The following BEND2 variants were observed in gnomAD, a reference collection of about 807,000 sequenced individuals.
BEND2 encodes BEN domain-containing protein 2.
In BEND2, 19 loss-of-function variants were observed where a neutral mutation model predicts 43.8. The observed-to-expected ratio is 0.43, with a 90% CI of 0.30 to 0.64. The LOEUF (loss-of-function observed/expected upper bound fraction) is 0.64. Ranked by LOEUF, BEND2 falls within the 30% of genes least tolerant of loss-of-function variation. BEND2 has a pLI of 0.11. For synonymous variants in BEND2, 226 were observed against 210.1 expected, an observed-to-expected ratio of 1.08 and a Z score of -0.66; for missense variants, 544 against 574.0, an observed-to-expected ratio of 0.95 and a Z score of 0.53.
chrX:18,191,738 A>G (rs761004363), intron 7 of BEND2, among the ~76,000 whole-genome samples: 1 of 112,101 alleles, frequency 8.9e-6, no homozygotes, highest in Non-Finnish European at 1.9e-5. Context: ...TAGAGGATAC[A>G]TGAACCTAAA....
Position 18,168,097 on chromosome X carries a change from A to G in BEND2, c.2186-2874T>C, listed in dbSNP as rs147493098. ...GGTTGGGTAGAACATTTCCTCCCCA[A>G]CCCTCATGTTACCATGTGGAGAGAC... On this transcript the variant is annotated intron_variant, in intron 13 of 13. Transcript: ENST00000380033. Among the ~76,000 whole-genome samples, 351 of 112,169 alleles carry G rather than the reference A, an allele frequency of 3.1e-3. 4 individuals carry two copies. Among genetic ancestry groups the G allele is most frequent in the Non-Finnish European group, 4.1e-3 (220 of 53,197 alleles).
At chrX:18,217,254 A>T (rs997437396) in intron 1 of BEND2, among the ~76,000 whole-genome samples, 1 of 112,984 alleles carries the variant, frequency 8.9e-6, no homozygotes, top group African/African-American at 3.2e-5. Context: ...AATATACCAG[A>T]TGTGAAATAT....
intron 13 of BEND2, among the ~76,000 whole-genome samples, chrX:18,169,950 A>G (rs1055400245): frequency 2.7e-5 from 3 of 111,599 alleles, no homozygotes; most frequent in Non-Finnish European, 3.8e-5. Flanking sequence ...AAAGTCACCT[A>G]TTTTCCCCCA....
In BEND2 at chrX:18,220,866, A is replaced by G; in HGVS notation, c.-116T>C. 1.2e-6 allele frequency: 1 copy of G among 857,709 alleles called. No homozygotes were observed. 70.7% of individuals were successfully genotyped at this position (857,709 alleles called of 1,213,427 possible). On this transcript the variant is annotated 5_prime_UTR_variant, in exon 1 of 14. Coordinates refer to ENST00000380033, the MANE Select transcript of BEND2 (RefSeq NM_153346.5). ...TGGTAACTGTGTGGTAACTGCGTAC[A>G]CTCGTTGTCCGAGGCACAATGAGGC...
intron 1 of BEND2, among the ~76,000 whole-genome samples, chrX:18,218,718 G>A (rs988503938): frequency 9.0e-6 from 1 of 111,527 alleles, no homozygotes; most frequent in Non-Finnish European, 1.9e-5. Flanking sequence ...AAATCAGCGG[G>A]GCGAGGTGGC....
chrX:18,175,983 T>C lies in BEND2; in HGVS notation c.1741A>G (p.Lys581Glu), dbSNP rs1372392971. Residue 581 changes from lysine (K) to glutamate (E), a missense_variant, in exon 11 of 14, where the codon AAG (lysine) becomes GAG (glutamate). Lys to Glu is a moderately conservative substitution (Grantham distance 56). Around this residue, in one of 2 missense-constraint regions of BEND2, gnomAD observed 501 missense variants for 501.6 expected, o/e 1.00. Transcript: ENST00000380033. ...GAAAAATAACTTACTGGAGTACTCT[T>C]GCCTTCAGAACATAAACAGTAGATC... ...SMIYCLCSEG[K>E]STPKTVRKNK... 1 of 1,190,144 alleles carries C rather than the reference T, an allele frequency of 8.4e-7. No individual in the cohort carries two copies. The highest frequency in any genetic ancestry group is 1.9e-5 in the South Asian group (1 of 52,757).
chrX:18,182,793 C>T (rs1924430863), intron 8 of BEND2, among the ~76,000 whole-genome samples: 1 of 111,214 alleles, frequency 9.0e-6, no homozygotes, highest in Admixed American at 9.5e-5. Context: ...GTAATCCCAG[C>T]ACTTTGGGAG....
chrX:18,201,344 C>T (rs1381693386), intron 6 of BEND2, among the ~76,000 whole-genome samples: 2 of 82,392 alleles, frequency 2.4e-5, no homozygotes, highest in South Asian at 7.8e-4. Flanking sequence ...TGCAGTGAGC[C>T]GAGATCGCAC....
At chrX:18,176,612 G>A (rs1451560062) in intron 10 of BEND2, among the ~76,000 whole-genome samples, 2 of 109,392 alleles carry the variant, frequency 1.8e-5, no homozygotes, top group South Asian at 4.0e-4. Context: ...CCAGGAGTTC[G>A]AGGCTGCACC....
chrX:18,200,073 C>G (rs762633051), intron 6 of BEND2, among the ~76,000 whole-genome samples: 103 of 111,816 alleles, frequency 9.2e-4, no homozygotes, highest in Non-Finnish European at 1.6e-3. Flanking sequence ...ACAGAAAAAC[C>G]TGTTCATGAC....
intron 8 of BEND2, among the ~76,000 whole-genome samples, chrX:18,182,848 C>G (rs1480975807): frequency 9.1e-6 from 1 of 109,999 alleles, no homozygotes; most frequent in Non-Finnish European, 1.9e-5. Flanking sequence ...TAGAGACCAG[C>G]CTGGCCAACA....
At chrX:18,189,945 G>T (rs1318266258) in intron 8 of BEND2, among the ~76,000 whole-genome samples, 1 of 110,020 alleles carries the variant, frequency 9.1e-6, no homozygotes, top group Non-Finnish European at 1.9e-5. Context: ...AGCTACTCGG[G>T]AGGCTGAGGC....
intron 8 of BEND2, among the ~76,000 whole-genome samples, chrX:18,182,040 ACT>A (rs1232773489): frequency 8.9e-6 from 1 of 111,977 alleles, no homozygotes; most frequent in Non-Finnish European, 1.9e-5. Context: ...TTTATTAGAA[ACT>A]CTACAAATTC....
intron 8 of BEND2, among the ~76,000 whole-genome samples, chrX:18,189,344 C>T (rs985773377): frequency 1.8e-5 from 2 of 110,238 alleles, no homozygotes; most frequent in African/African-American, 3.3e-5. Context: ...TTTGTCTCTA[C>T]AAAAAAAATT....
At chrX:18,214,797 A>C (rs1308725991) in intron 2 of BEND2, among the ~76,000 whole-genome samples, 3 of 82,454 alleles carry the variant, frequency 3.6e-5, no homozygotes, top group Non-Finnish European at 6.9e-5. Flanking sequence ...GGCGACAGAG[A>C]GAGACTCTGT....
At position 18,195,605 on chromosome X, in the gene BEND2, G is replaced by C. The variant is rs73454372; in HGVS notation, c.1034-163C>G. Among the ~76,000 whole-genome samples, 430 of 111,790 alleles carry C rather than the reference G, an allele frequency of 3.8e-3. 1 individual carries two copies. The highest frequency in any genetic ancestry group is 0.013 in the African/African-American group (412 of 30,805). On this transcript the variant is annotated intron_variant, in intron 6 of 13. Transcript: ENST00000380033. The stretch of plus-strand genomic sequence containing the variant: ...GGTTAAAGGAAAATCTCCAGGCCTG[G>C]TGCAGTGGCTCATGCCTACAATCCC...
intron 10 of BEND2, among the ~76,000 whole-genome samples, chrX:18,177,196 T>C (rs1187936116): frequency 9.4e-6 from 1 of 106,514 alleles, no homozygotes; most frequent in Non-Finnish European, 1.9e-5. Context: ...TCACTAGCAC[T>C]GACAAGTCTT....
intron 8 of BEND2, among the ~76,000 whole-genome samples, chrX:18,186,987 C>T (rs959041244): frequency 1.9e-5 from 2 of 105,165 alleles, no homozygotes; most frequent in African/African-American, 3.5e-5. Flanking sequence ...AAAAAAGATA[C>T]GATGGACACA....
At chrX:18,200,690 T>C (rs954733251) in intron 6 of BEND2, among the ~76,000 whole-genome samples, 11 of 110,821 alleles carry the variant, frequency 9.9e-5, no homozygotes, top group Non-Finnish European at 2.1e-4. Flanking sequence ...GATCAGTAGT[T>C]ACCAGGTGTT....
Sources: allele counts gnomAD v4.1 joint callset (sites outside exome capture counted in the v4.1 genomes callset), GRCh38; gene constraint gnomAD v4.1.1; regional missense constraint gnomAD v4.1.1; transcripts MANE v1.5; gene names NCBI Gene and HGNC (gene_info 2026-07-23, HGNC 2026-07-21).